Variants in SETBP1 observed in about 807,000 individuals in gnomAD.
SETBP1 encodes the protein SET binding protein 1.
SETBP1 carries 9 observed loss-of-function variants against 101.0 expected under a neutral mutation model. That is an observed-to-expected ratio of 0.09 (90% CI 0.05 to 0.16). The LOEUF (loss-of-function observed/expected upper bound fraction) is 0.16, where lower values mean the gene tolerates loss of function less well. SETBP1 is among the 10% of genes least tolerant of loss of function. SETBP1 has a pLI of 1.00. For missense variants in SETBP1, 1,858 were observed against 2,033.8 expected, an observed-to-expected ratio of 0.91 and a Z score of 1.66; for synonymous variants, 818 against 788.5, an observed-to-expected ratio of 1.04 and a Z score of -0.63.
At chr18:44,858,030 C>A (rs1385057467) in intron 2 of SETBP1, among the ~76,000 whole-genome samples, 1 of 152,126 alleles carries the variant, frequency 6.6e-6, no homozygotes, top group Non-Finnish European at 1.5e-5. Context: ...GACACAGCTG[C>A]TTCCAGAAGC....
At chr18:44,727,959 G>GA (rs1438226415) in intron 2 of SETBP1, among the ~76,000 whole-genome samples, 5 of 152,120 alleles carry the variant, frequency 3.3e-5, no homozygotes, top group African/African-American at 4.8e-5. Context: ...AAAAAAAAGA[G>GA]ACTGAATTTG....
At chr18:44,700,117 T>G (rs2069091336) in intron 1 of SETBP1, among the ~76,000 whole-genome samples, 1 of 152,180 alleles carries the variant, frequency 6.6e-6, no homozygotes, top group Non-Finnish European at 1.5e-5. Flanking sequence ...GGTTTTCTCC[T>G]GAGACTGAGC....
At chr18:44,763,123 G>A (rs2070694386) in intron 2 of SETBP1, among the ~76,000 whole-genome samples, 1 of 152,176 alleles carries the variant, frequency 6.6e-6, no homozygotes, top group Non-Finnish European at 1.5e-5. Flanking sequence ...ATTTAACTGG[G>A]CCTAAAAATT....
intron 4 of SETBP1, among the ~76,000 whole-genome samples, chr18:44,992,505 G>A (rs896240773): frequency 4.6e-5 from 7 of 152,054 alleles, no homozygotes; most frequent in Middle Eastern, 6.8e-3. Context: ...GAAGTAAAAA[G>A]AAAAAGTATT....
intron 4 of SETBP1, among the ~76,000 whole-genome samples, chr18:44,989,708 A>C (rs7236717): frequency 0.013 from 1,988 of 151,244 alleles, 47 homozygotes; most frequent in African/African-American, 0.046. Flanking sequence ...TCTCTACTAA[A>C]AATACAAAAA....
chr18:45,039,180 A>G (rs1474068782), intron 5 of SETBP1, among the ~76,000 whole-genome samples: 1 of 152,188 alleles, frequency 6.6e-6, no homozygotes, highest in East Asian at 1.9e-4. Flanking sequence ...TTATTGATGC[A>G]TCGGTACCTT....
intron 4 of SETBP1, among the ~76,000 whole-genome samples, chr18:44,975,929 G>A (rs1428232101): frequency 6.6e-6 from 1 of 152,172 alleles, no homozygotes; most frequent in African/African-American, 2.4e-5. Flanking sequence ...GGCCAAGCCT[G>A]GACCAGAATA....
At chr18:44,738,816 A>G (rs1421191021) in intron 2 of SETBP1, among the ~76,000 whole-genome samples, 2 of 151,774 alleles carry the variant, frequency 1.3e-5, no homozygotes, top group Non-Finnish European at 2.9e-5. Flanking sequence ...GGTATACACG[A>G]ACACACACAC....
Position 44,952,347 on chromosome 18 carries a change from C to T in SETBP1, c.3007C>T (p.Pro1003Ser), listed in dbSNP as rs1244101361. The T allele has an allele frequency of 1.2e-6, 2 of 1,613,902 alleles. No individual in the cohort carries two copies. The highest frequency in any genetic ancestry group is 1.7e-6 in the Non-Finnish European group (2 of 1,180,016). The part of the protein sequence containing the change: ...YYPVPYIQYD[P>S]LLYLRRTSDL... Reference sequence around the variant, plus strand: ...CCCGGTGCCATATATCCAGTATGACCCGTTGCTCTATCTTCGTAGGACTTC... The same window carrying T: ...CCCGGTGCCATATATCCAGTATGACTCGTTGCTCTATCTTCGTAGGACTTC... The change falls in exon 4 of 6, where the codon CCG (proline) becomes TCG (serine). Residue 1003 changes from proline to serine, a missense_variant. Around this residue, in one of 12 missense-constraint regions of SETBP1, gnomAD observed 255 missense variants for 300.1 expected, o/e 0.85. Coordinates refer to ENST00000649279, the MANE Select transcript of SETBP1 (RefSeq NM_015559.3).
intron 2 of SETBP1, among the ~76,000 whole-genome samples, chr18:44,792,355 C>T (rs1263263879): frequency 6.6e-6 from 1 of 152,136 alleles, no homozygotes; most frequent in Non-Finnish European, 1.5e-5. Flanking sequence ...TAGGTCCCAT[C>T]GAATTCCCCC....
chr18:44,978,460 G>T lies in SETBP1; in HGVS notation c.4000+25120G>T, dbSNP rs188230977. ...TGAAGCCCAAATGAGTGAGCAATAG[G>T]AATCTAATCCTGATAGTATTATACT... On this transcript the variant is annotated intron_variant, in intron 4 of 5. Transcript: ENST00000649279. Among the ~76,000 whole-genome samples, 279 of 152,214 alleles carry T rather than the reference G, an allele frequency of 1.8e-3. 2 individuals carry two copies. The highest frequency in any genetic ancestry group is 4.8e-3 in the South Asian group (23 of 4,820).
intron 2 of SETBP1, among the ~76,000 whole-genome samples, chr18:44,746,879 T>C (rs2070265042): frequency 6.6e-6 from 1 of 152,168 alleles, no homozygotes. Flanking sequence ...ATTCTGCATA[T>C]TGTTTCTGAG....
chr18:45,017,642 A>C (rs1467081289), intron 4 of SETBP1, among the ~76,000 whole-genome samples: 2 of 152,250 alleles, frequency 1.3e-5, no homozygotes, highest in Non-Finnish European at 2.9e-5. Flanking sequence ...ACTAATGAAC[A>C]CTGCCACCTA....
intron 2 of SETBP1, among the ~76,000 whole-genome samples, chr18:44,808,097 G>A (rs76551757): frequency 3.0e-4 from 46 of 152,300 alleles, no homozygotes; most frequent in African/African-American, 6.7e-4. Flanking sequence ...GGCTCCTGTC[G>A]TTCCAGTACC....
At chr18:44,962,889 G>A (rs919478104) in intron 4 of SETBP1, among the ~76,000 whole-genome samples, 1 of 152,114 alleles carries the variant, frequency 6.6e-6, no homozygotes, top group Non-Finnish European at 1.5e-5. Flanking sequence ...GTTGATGGAG[G>A]ATCTGAGGAC....
chr18:44,774,986 G>A (rs2070965063), intron 2 of SETBP1, among the ~76,000 whole-genome samples: 1 of 151,906 alleles, frequency 6.6e-6, no homozygotes, highest in African/African-American at 2.4e-5. Flanking sequence ...TAATGGAAAG[G>A]TTCCTAGAGG....
At chr18:44,761,401 C>T (rs1022801618) in intron 2 of SETBP1, among the ~76,000 whole-genome samples, 1 of 152,166 alleles carries the variant, frequency 6.6e-6, no homozygotes, top group Admixed American at 6.5e-5. Flanking sequence ...TACCCATTGG[C>T]CAACCTTTAC....
At chr18:44,808,519 G>A (rs1442845732) in intron 2 of SETBP1, among the ~76,000 whole-genome samples, 2 of 152,142 alleles carry the variant, frequency 1.3e-5, no homozygotes, top group Non-Finnish European at 2.9e-5. Context: ...TCTGCTGGGT[G>A]GGATGTATAG....
chr18:44,688,743 G>T (rs1011608290), intron 1 of SETBP1, among the ~76,000 whole-genome samples: 10 of 152,096 alleles, frequency 6.6e-5, no homozygotes, highest in African/African-American at 2.4e-4. Flanking sequence ...ATGAGCCACC[G>T]CGCCTGGCCA....
Sources: allele counts gnomAD v4.1 joint callset (sites outside exome capture counted in the v4.1 genomes callset), GRCh38; gene constraint gnomAD v4.1.1; regional missense constraint gnomAD v4.1.1; transcripts MANE v1.5; gene names NCBI Gene and HGNC (gene_info 2026-07-23, HGNC 2026-07-21).